The following PCTP variants were observed in gnomAD, a reference collection of about 807,000 sequenced individuals.
PCTP encodes START domain-containing protein 2.
In PCTP, 27 loss-of-function variants were observed where a neutral mutation model predicts 31.0. That is an observed-to-expected ratio of 0.87 (90% CI 0.64 to 1.20). PCTP has a LOEUF of 1.20. PCTP is among the 50% of genes most tolerant of loss of function. The pLI is 0.00. For missense variants in PCTP, 287 were observed against 268.2 expected (o/e 1.07, Z -0.49); for synonymous variants, 108 against 101.2 (o/e 1.07, Z -0.40).
At chr17:55,834,127 C>A (rs1905698253) in intron 5 of PCTP, among the ~76,000 whole-genome samples, 1 of 152,158 alleles carries the variant, frequency 6.6e-6, no homozygotes, top group Non-Finnish European at 1.5e-5. Context: ...GCCCACAGCA[C>A]CCCTACTTTC....
At chr17:55,755,067 T>C (rs562662139) in intron 1 of PCTP, among the ~76,000 whole-genome samples, 9 of 152,218 alleles carry the variant, frequency 5.9e-5, no homozygotes, top group Non-Finnish European at 8.8e-5. Context: ...AATTTGTTTA[T>C]ATACTTCATT....
At chr17:55,830,419 C>T (rs995432970) in intron 5 of PCTP, among the ~76,000 whole-genome samples, 6 of 152,046 alleles carry the variant, frequency 3.9e-5, no homozygotes, top group Admixed American at 3.9e-4. Context: ...GGCTAGTCAG[C>T]GATTTTTTTT....
At chr17:55,767,186 T>G (rs1004844306) in intron 1 of PCTP, 149 bp from the exon 2 acceptor site, 1 of 422,830 alleles carries the variant, frequency 2.4e-6, no homozygotes, top group East Asian at 4.0e-5. Context: ...GAGTAGGTTG[T>G]GAAAATTTTC....
intron 5 of PCTP, among the ~76,000 whole-genome samples, chr17:55,828,443 T>C (rs549497096): frequency 6.6e-6 from 1 of 152,204 alleles, no homozygotes; most frequent in South Asian, 2.1e-4. Context: ...TTCATCTTAA[T>C]ATGGCTGTCT....
chr17:55,769,519 G>A (rs1296498025), intron 2 of PCTP: 1 of 152,224 alleles, frequency 6.6e-6, no homozygotes, highest in Non-Finnish European at 1.5e-5. Flanking sequence ...AGTGACCAGT[G>A]ATGGCATCTG....
chr17:55,834,694 G>C (rs1458398341), intron 5 of PCTP, among the ~76,000 whole-genome samples: 1 of 152,140 alleles, frequency 6.6e-6, no homozygotes, highest in Non-Finnish European at 1.5e-5. Context: ...AAGTTAACCT[G>C]ATAGACAGAC....
At chr17:55,828,941 T>A (rs1274615954) in intron 5 of PCTP, among the ~76,000 whole-genome samples, 1 of 152,132 alleles carries the variant, frequency 6.6e-6, no homozygotes, top group Non-Finnish European at 1.5e-5. Flanking sequence ...AAGGGCTTCT[T>A]CCCAGTCCCC....
chr17:55,752,804 T>C (rs1339562005), intron 1 of PCTP, among the ~76,000 whole-genome samples: 1 of 152,260 alleles, frequency 6.6e-6, no homozygotes, highest in Non-Finnish European at 1.5e-5. Flanking sequence ...TTTAACAAGA[T>C]GATCAAGAAG....
At chr17:55,827,898 A>G (rs1652174899), downstream of PCTP, among the ~76,000 whole-genome samples, 1 of 152,194 alleles carries the variant, frequency 6.6e-6, no homozygotes, top group South Asian at 2.1e-4. Context: ...GAAGCTTATT[A>G]GGATGCAGGT....
downstream of PCTP, among the ~76,000 whole-genome samples, chr17:55,847,526 G>A (rs1906173956): frequency 6.6e-6 from 1 of 152,166 alleles, no homozygotes; most frequent in South Asian, 2.1e-4. Context: ...TGTAAGACAT[G>A]CTTTGCTTCC....
chr17:55,793,477 T>G (rs1912076651), intron 3 of PCTP, among the ~76,000 whole-genome samples: 1 of 152,132 alleles, frequency 6.6e-6, no homozygotes, highest in Admixed American at 6.6e-5. Flanking sequence ...ATAAAGCTGA[T>G]TCATCATCTG....
At chr17:55,751,456 G>A in intron 1 of PCTP, 1 of 1,532,806 alleles carries the variant, frequency 6.5e-7, no homozygotes, top group Non-Finnish European at 8.7e-7. Flanking sequence ...GGAGTTGGAA[G>A]GTCACAGGAG....
At chr17:55,787,766 A>G (rs1597997647) in intron 3 of PCTP, 1 of 152,226 alleles carries the variant, frequency 6.6e-6, no homozygotes, top group East Asian at 1.9e-4. Flanking sequence ...CACGTCAGAT[A>G]TTTAAAGATA....
chr17:55,838,080 G>C (rs946813250), intron 5 of PCTP, among the ~76,000 whole-genome samples: 1 of 152,204 alleles, frequency 6.6e-6, no homozygotes, highest in Non-Finnish European at 1.5e-5. Flanking sequence ...GATTGAGGCT[G>C]CAGTGAGCTA....
At chr17:55,767,632 T>G (rs1490053303) in intron 2 of PCTP, among the ~76,000 whole-genome samples, 180 bp downstream of exon 2, 1 of 152,064 alleles carries the variant, frequency 6.6e-6, no homozygotes, top group Non-Finnish European at 1.5e-5. Flanking sequence ...ACCTGGCTAA[T>G]TTTTGTATCT....
At chr17:55,772,249 A>G (rs913966608) in intron 3 of PCTP, among the ~76,000 whole-genome samples, 1 of 151,920 alleles carries the variant, frequency 6.6e-6, no homozygotes, top group South Asian at 2.1e-4. Context: ...ATGGAGCAAT[A>G]GACTGTCCAA....
At chr17:55,787,906 A>T (rs1274629298) in intron 3 of PCTP, among the ~76,000 whole-genome samples, 6 of 152,156 alleles carry the variant, frequency 3.9e-5, no homozygotes, top group Non-Finnish European at 8.8e-5. Flanking sequence ...CTCGGCACAT[A>T]GCATTTATTC....
chr17:55,773,087 A>G (rs1375668128), intron 3 of PCTP, among the ~76,000 whole-genome samples: 2 of 152,224 alleles, frequency 1.3e-5, no homozygotes, highest in Non-Finnish European at 2.9e-5. Context: ...TGGACATGAA[A>G]TGGTTTTGTT....
intron 1 of PCTP, chr17:55,751,523 ACGTGGGTCAGC>A: frequency 6.9e-7 from 1 of 1,451,030 alleles, no homozygotes; most frequent in Non-Finnish European, 9.1e-7. Flanking sequence ...GACAGTTGAA[ACGTGGGTCAGC>A]TGGTTCCTAG....
Sources: gnomAD v4.1 joint callset for allele counts (sites outside exome capture counted in the v4.1 genomes callset) on GRCh38, gnomAD v4.1.1 for gene constraint, MANE v1.5 for transcripts, NCBI Gene and HGNC (gene_info 2026-07-23, HGNC 2026-07-21) for gene names.